The following RIC1 variants were observed in gnomAD, a reference collection of about 807,000 sequenced individuals.
RIC1 encodes RIC1 partner of RAB6A GEF complex.
RIC1 carries 88 observed loss-of-function variants against 169.0 expected under a neutral mutation model. The ratio of observed to expected loss-of-function variants is 0.52; its 90% CI spans 0.44 to 0.62. The LOEUF is 0.62. Among genes scored for constraint, RIC1 ranks in the 20% least tolerant of loss-of-function variants. The pLI, the probability that RIC1 is intolerant of heterozygous loss-of-function variation, is 0.00. For synonymous variants in RIC1, 790 were observed against 601.5 expected, an observed-to-expected ratio of 1.31 and a Z score of -4.59; for missense variants, 1,877 against 1,725.5, an observed-to-expected ratio of 1.09 and a Z score of -1.56.
chr9:5,709,289 T>A (rs574918397), intron 3 of RIC1, among the ~76,000 whole-genome samples: 2 of 152,292 alleles, frequency 1.3e-5, no homozygotes, highest in African/African-American at 4.8e-5. Flanking sequence ...CCTTCCCTAC[T>A]CCATCCCCAA....
At chr9:5,678,670 C>CT (rs569089965) in intron 2 of RIC1, among the ~76,000 whole-genome samples, 150 of 152,154 alleles carry the variant, frequency 9.9e-4, no homozygotes, top group Non-Finnish European at 8.8e-4. Context: ...CTGTTTGTAT[C>CT]TTTCGCCCAC....
intron 1 of RIC1, among the ~76,000 whole-genome samples, chr9:5,655,349 G>A (rs1819031410): frequency 6.6e-6 from 1 of 152,132 alleles, no homozygotes; most frequent in Non-Finnish European, 1.5e-5. Context: ...TGCCCAGGCT[G>A]GAGTGCAGTC....
Position 5,758,250 on chromosome 9 carries a change from G to A in RIC1, c.1992+799G>A, listed in dbSNP as rs758852157. On this transcript the variant is annotated intron_variant, in intron 17 of 25. Transcript: ENST00000414202. Reference sequence around the variant, plus strand: ...AACAGGGTAAGAAGTAGGGCGACCAGGACCCACGTTGCATAACTTTCTATT... The same window carrying A: ...AACAGGGTAAGAAGTAGGGCGACCAAGACCCACGTTGCATAACTTTCTATT... 5.7e-4 allele frequency among the ~76,000 whole-genome samples: 87 copies of A among 152,268 alleles called. 1 individual carries two copies. Among genetic ancestry groups the A allele is most frequent in the Non-Finnish European group, 1.1e-3 (72 of 68,010 alleles).
At chr9:5,705,105 A>G (rs1028489213) in intron 3 of RIC1, among the ~76,000 whole-genome samples, 59 of 151,588 alleles carry the variant, frequency 3.9e-4, no homozygotes, top group African/African-American at 1.3e-3. Flanking sequence ...TGAATTCTCC[A>G]ACTTTGTTCT....
chr9:5,772,775 C>T lies in RIC1; in HGVS notation c.3794+34C>T, dbSNP rs767257594. 1.1e-5 allele frequency: 17 copies of T among 1,584,470 alleles called. No individual in the cohort carries two copies. The East Asian group carries it at 3.4e-4, about 31-fold the overall frequency. On this transcript the variant is annotated intron_variant, in intron 24 of 25. Transcript: ENST00000414202. ...CTTGGCTATTTGAAATCACAGAATG[C>T]CTACTCAGAGTATTTGGGCAAATAG...
At chr9:5,758,945 A>G (rs1056412965) in intron 17 of RIC1, among the ~76,000 whole-genome samples, 1 of 151,754 alleles carries the variant, frequency 6.6e-6, no homozygotes, top group Non-Finnish European at 1.5e-5. Context: ...GGGTTTCACC[A>G]TGTTGGCCAG....
At chr9:5,712,948 A>C (rs191454633) in intron 3 of RIC1, 3 of 152,308 alleles carry the variant, frequency 2.0e-5, no homozygotes, top group African/African-American at 7.2e-5. Flanking sequence ...ACAAAACTTT[A>C]TAAGAAAAAT....
At chr9:5,724,170 A>C (rs527788630) in intron 6 of RIC1, among the ~76,000 whole-genome samples, 12 of 152,178 alleles carry the variant, frequency 7.9e-5, no homozygotes, top group Non-Finnish European at 1.3e-4. Context: ...TTTTCACAAT[A>C]TTGATTCTTC....
chr9:5,762,423 G>A, intron 17 of RIC1, 118 bp from the exon 18 acceptor site: 2 of 1,302,520 alleles, frequency 1.5e-6, no homozygotes, highest in Admixed American at 2.1e-5. Flanking sequence ...GCTGTACATA[G>A]TACAACCTCA....
intron 10 of RIC1, 28 bp from the exon 11 acceptor site, chr9:5,745,902 CT>C: frequency 2.5e-6 from 4 of 1,588,102 alleles, no homozygotes; most frequent in South Asian, 1.1e-5. Flanking sequence ...ATTGCTCTGA[CT>C]TTTTTTCTCC....
At chr9:5,738,248 A>G (rs777563512) in intron 7 of RIC1, among the ~76,000 whole-genome samples, 24 of 152,208 alleles carry the variant, frequency 1.6e-4, no homozygotes, top group African/African-American at 4.3e-4. Context: ...ACATTAGACA[A>G]TAATTTCTGG....
intron 3 of RIC1, 82 bp from the exon 4 acceptor site, chr9:5,713,814 A>T: frequency 1.3e-6 from 1 of 788,700 alleles, no homozygotes; most frequent in Non-Finnish European, 2.1e-6. Context: ...TATTTCATTT[A>T]CTTTATTTGA....
At chr9:5,729,876 A>G (rs1563932585) in intron 6 of RIC1, among the ~76,000 whole-genome samples, 1 of 152,058 alleles carries the variant, frequency 6.6e-6, no homozygotes, top group South Asian at 2.1e-4. Context: ...AGGTGCATAT[A>G]TATTTGTAAT....
intron 8 of RIC1, among the ~76,000 whole-genome samples, chr9:5,741,742 T>C (rs942868361): frequency 6.6e-6 from 1 of 152,216 alleles, no homozygotes; most frequent in Non-Finnish European, 1.5e-5. Context: ...CTGTGTCTGT[T>C]AATCCCAAAA....
chr9:5,715,800 C>T (rs953595886), intron 4 of RIC1, among the ~76,000 whole-genome samples: 26 of 148,006 alleles, frequency 1.8e-4, no homozygotes, highest in Non-Finnish European at 2.8e-4. Flanking sequence ...CCCTCCCTTC[C>T]CCTCCCCTCC....
chr9:5,755,014 T>C, intron 15 of RIC1, 84 bp downstream of exon 15: 2 of 829,872 alleles, frequency 2.4e-6, no homozygotes, highest in Non-Finnish European at 3.6e-6. Context: ...AAATAGTCGA[T>C]TGAAAACTGA....
intron 3 of RIC1, among the ~76,000 whole-genome samples, chr9:5,708,415 T>G (rs1461870346): frequency 6.6e-6 from 1 of 152,194 alleles, no homozygotes; most frequent in East Asian, 1.9e-4. Flanking sequence ...TGCCTCTTGT[T>G]TTTTCAGGCT....
chr9:5,669,106 A>G (rs966464468), intron 2 of RIC1, among the ~76,000 whole-genome samples: 2 of 152,046 alleles, frequency 1.3e-5, no homozygotes, highest in South Asian at 2.1e-4. Flanking sequence ...CTCTTTTTGC[A>G]TAGTATGTAT....
chr9:5,631,498 C>T (rs1037278512), intron 1 of RIC1, among the ~76,000 whole-genome samples: 3 of 151,852 alleles, frequency 2.0e-5, no homozygotes, highest in African/African-American at 7.3e-5. Context: ...CCATCCTGGC[C>T]AACATGGTGA....
Sources: allele counts gnomAD v4.1 joint callset (sites outside exome capture counted in the v4.1 genomes callset), GRCh38; gene constraint gnomAD v4.1.1; transcripts MANE v1.5; gene names NCBI Gene and HGNC (gene_info 2026-07-23, HGNC 2026-07-21).